Variants in CR1 observed in about 807,000 individuals in gnomAD.
CR1 encodes complement C3b/C4b receptor 1 (Knops blood group).
Under a neutral mutation model 187.3 loss-of-function variants are expected in CR1, and 116 were observed. That is an observed-to-expected ratio of 0.62 (90% CI 0.53 to 0.72). CR1 has a LOEUF of 0.72. Among genes scored for constraint, CR1 ranks in the 30% least tolerant of loss-of-function variants. The pLI, the probability that CR1 is intolerant of heterozygous loss-of-function variation, is 0.00. For synonymous variants in CR1, 576 were observed against 747.1 expected (o/e 0.77, Z 3.73); for missense variants, 1,731 against 2,110.7 (o/e 0.82, Z 3.52).
rs774108631 is a variant in CR1 at position 207,511,574 on chromosome 1, G to A, written c.407G>A (p.Arg136Gln). 28 of 1,612,870 alleles carry A rather than the reference G, an allele frequency of 1.7e-5. No individual in the cohort carries two copies. In the East Asian group the frequency reaches 4.0e-4, roughly 23 times the overall value. Reference sequence around the variant, plus strand: ...TCCTTATTTTTTGCCTCTAGATACCGACTCATTGGTTCCTCGTCTGCCACA... The same window carrying A: ...TCCTTATTTTTTGCCTCTAGATACCAACTCATTGGTTCCTCGTCTGCCACA... ...QIKYSCTKGY[R>Q]LIGSSSATCI... The change falls in exon 4 of 47, where the codon CGA (arginine) becomes CAA (glutamine). Residue 136 changes from arginine to glutamine, a missense_variant. Coordinates refer to ENST00000367049, the MANE Select transcript of CR1 (RefSeq NM_000651.6).
chr1:207,544,751 G>A (rs1660263801), intron 13 of CR1, among the ~76,000 whole-genome samples: 1 of 148,134 alleles, frequency 6.8e-6, no homozygotes, highest in Non-Finnish European at 1.5e-5. Flanking sequence ...ATAGCATGAA[G>A]AGAGGAGACC....
At chr1:207,566,766 T>C (rs916280515) in intron 24 of CR1, among the ~76,000 whole-genome samples, 3 of 150,398 alleles carry the variant, frequency 2.0e-5, no homozygotes, top group Admixed American at 6.6e-5. Flanking sequence ...TACCCATGTA[T>C]AATTTCCCCA....
intron 4 of CR1, among the ~76,000 whole-genome samples, chr1:207,513,586 C>A (rs1373558310): frequency 6.6e-6 from 1 of 152,176 alleles, no homozygotes; most frequent in African/African-American, 2.4e-5. Flanking sequence ...CATGCTATAA[C>A]CCTAGTCCAG....
At chr1:207,503,872 G>C (rs1278142763) in intron 1 of CR1, among the ~76,000 whole-genome samples, 5 of 152,226 alleles carry the variant, frequency 3.3e-5, no homozygotes, top group Non-Finnish European at 7.3e-5. Flanking sequence ...TTAGTAGCAA[G>C]TGCTTCCTTT....
intron 46 of CR1, among the ~76,000 whole-genome samples, chr1:207,635,537 C>T (rs749154253): frequency 2.3e-4 from 35 of 152,166 alleles, no homozygotes; most frequent in Non-Finnish European, 4.1e-4. Context: ...AATATACAAT[C>T]GGGTTTTACA....
chr1:207,498,214 C>T (rs1428371871), intron 1 of CR1, among the ~76,000 whole-genome samples: 1 of 152,084 alleles, frequency 6.6e-6, no homozygotes, highest in Non-Finnish European at 1.5e-5. Flanking sequence ...ATCTGAAAAC[C>T]CCCATGCATG....
intron 32 of CR1, among the ~76,000 whole-genome samples, chr1:207,582,984 C>A (rs1268778802): frequency 6.6e-6 from 1 of 152,114 alleles, no homozygotes; most frequent in African/African-American, 2.4e-5. Context: ...TCCCAGGCTG[C>A]CCATAGATAT....
chr1:207,585,257 G>A (rs779041004), intron 33 of CR1, among the ~76,000 whole-genome samples: 1 of 152,162 alleles, frequency 6.6e-6, no homozygotes, highest in East Asian at 1.9e-4. Context: ...AGTTCATGAG[G>A]GGTACATGGG....
chr1:207,620,786 C>CA (rs933286109), intron 43 of CR1, among the ~76,000 whole-genome samples: 6 of 152,016 alleles, frequency 3.9e-5, no homozygotes, highest in African/African-American at 1.4e-4. Flanking sequence ...GCTTTTTTGG[C>CA]AAAAATCTCA....
intron 39 of CR1, among the ~76,000 whole-genome samples, chr1:207,613,964 C>T (rs1354631896): frequency 3.3e-5 from 5 of 152,140 alleles, no homozygotes; most frequent in Non-Finnish European, 2.9e-5. Flanking sequence ...ATGTTCCTGG[C>T]TTTGCTTACC....
intron 1 of CR1, among the ~76,000 whole-genome samples, chr1:207,498,563 A>T (rs1230383288): frequency 6.6e-6 from 1 of 152,238 alleles, no homozygotes; most frequent in Non-Finnish European, 1.5e-5. Flanking sequence ...AGAGAATTGC[A>T]TCATATAAAA....
At chr1:207,580,959 A>G (rs1054900934) in intron 31 of CR1, among the ~76,000 whole-genome samples, 1 of 152,192 alleles carries the variant, frequency 6.6e-6, no homozygotes, top group Non-Finnish European at 1.5e-5. Flanking sequence ...CCATGAACAG[A>G]AGTTTAAAAA....
intron 3 of CR1, 115 bp from the exon 4 acceptor site, chr1:207,511,454 T>A: frequency 1.0e-6 from 1 of 957,918 alleles, no homozygotes; most frequent in Non-Finnish European, 1.6e-6. Flanking sequence ...AGTCCTTTGA[T>A]GAGTGTAAAA....
chr1:207,610,401 T>C (rs1661887264), intron 37 of CR1, among the ~76,000 whole-genome samples: 2 of 152,134 alleles, frequency 1.3e-5, no homozygotes, highest in South Asian at 4.1e-4. Context: ...TGTACAATCA[T>C]AGTTCACTGA....
intron 35 of CR1, 134 bp from the exon 36 acceptor site, chr1:207,607,117 G>A (rs749968356): frequency 2.8e-5 from 17 of 605,368 alleles, no homozygotes; most frequent in Non-Finnish European, 4.1e-5. Flanking sequence ...TGGAGATGGG[G>A]TTTCTTCCTT....
chr1:207,567,913 T>G lies in CR1; in HGVS notation c.4042T>G (p.Tyr1348Asp). Residue 1348 changes from tyrosine (Y) to aspartate (D), a missense_variant, in exon 25 of 47, where the codon TAC (tyrosine) becomes GAC (aspartate). Tyr to Asp is a radical substitution (Grantham distance 160, BLOSUM62 -3). Coordinates refer to ENST00000367049, the MANE Select transcript of CR1 (RefSeq NM_000651.6). ...CTTTCCCTTTGGAAAAGCAGTAAAT[T>G]ACACATGCGACCCCCACCCAGACAG... ...EVFPFGKAVN[Y>D]TCDPHPDRGT... 1 of 1,610,654 alleles carries G rather than the reference T, an allele frequency of 6.2e-7. No homozygotes were observed. The highest frequency in any genetic ancestry group is 8.5e-7 in the Non-Finnish European group (1 of 1,179,632).
chr1:207,506,708 C>A lies in CR1; in HGVS notation c.302-6C>A. 1 of 1,612,674 alleles carries A rather than the reference C, an allele frequency of 6.2e-7. No homozygotes were observed. The highest frequency in any genetic ancestry group is 1.1e-5 in the South Asian group (1 of 90,944). ...TTGGCTCCAAAATTCTGTTTCTTTC[C>A]TGTAGGTAAATCATGTCGTAATCCT... On this transcript the variant is annotated splice_region_variant and splice_polypyrimidine_tract_variant and intron_variant, in intron 2 of 46. Transcript: ENST00000367049.
At chr1:207,629,608 T>A (rs948609257) in intron 45 of CR1, among the ~76,000 whole-genome samples, 1 of 152,204 alleles carries the variant, frequency 6.6e-6, no homozygotes, top group African/African-American at 2.4e-5. Flanking sequence ...TGGTAAAGAA[T>A]AACTGAGTGA....
intron 4 of CR1, among the ~76,000 whole-genome samples, chr1:207,522,623 C>A (rs534737392): frequency 6.6e-6 from 1 of 152,312 alleles, no homozygotes; most frequent in South Asian, 2.1e-4. Context: ...TGTTAGCTTT[C>A]TGATGCTTTA....
Sources: allele counts gnomAD v4.1 joint callset (sites outside exome capture counted in the v4.1 genomes callset), GRCh38; gene constraint gnomAD v4.1.1; transcripts MANE v1.5; gene names NCBI Gene and HGNC (gene_info 2026-07-23, HGNC 2026-07-21).